The following TTC7B variants were observed in gnomAD, a reference collection of about 807,000 sequenced individuals.
TTC7B encodes the protein tetratricopeptide repeat domain 7B.
Under a neutral mutation model 106.8 loss-of-function variants are expected in TTC7B, and 28 were observed. The ratio of observed to expected loss-of-function variants is 0.26; its 90% CI spans 0.19 to 0.36. TTC7B has a LOEUF of 0.36. Ranked by LOEUF, TTC7B falls within the 10% of genes least tolerant of loss-of-function variation. TTC7B has a pLI of 1.00. For missense variants in TTC7B, 862 were observed against 1,076.4 expected (o/e 0.80, Z 2.79); for synonymous variants, 405 against 430.6 (o/e 0.94, Z 0.74).
chr14:90,602,480 C>T (rs143381473), intron 17 of TTC7B, among the ~76,000 whole-genome samples: 1 of 152,134 alleles, frequency 6.6e-6, no homozygotes. Flanking sequence ...GTGGGAGGAT[C>T]GCTTGAGCCC....
At chr14:90,634,439 A>G (rs1399429130) in intron 15 of TTC7B, among the ~76,000 whole-genome samples, 1 of 151,480 alleles carries the variant, frequency 6.6e-6, no homozygotes, top group Non-Finnish European at 1.5e-5. Context: ...TTATCAGACT[A>G]AGTAAAAAAA....
chr14:90,642,370 T>C (rs1452005895), intron 15 of TTC7B, among the ~76,000 whole-genome samples: 1 of 152,216 alleles, frequency 6.6e-6, no homozygotes, highest in Non-Finnish European at 1.5e-5. Context: ...TGAAAAGCAC[T>C]GATTAAAAAC....
At chr14:90,685,985 C>G (rs1887238536) in intron 7 of TTC7B, among the ~76,000 whole-genome samples, 2 of 152,270 alleles carry the variant, frequency 1.3e-5, no homozygotes, top group South Asian at 4.2e-4. Context: ...GGAATAGTCT[C>G]CAACTCATTT....
At chr14:90,551,100 C>T (rs1044408482) in intron 19 of TTC7B, among the ~76,000 whole-genome samples, 51 of 152,260 alleles carry the variant, frequency 3.3e-4, no homozygotes, top group African/African-American at 9.1e-4. Context: ...TAAGAAAATC[C>T]CAGAACCCAC....
At position 90,577,673 on chromosome 14, in the gene TTC7B, AAG is replaced by A. The variant is rs1257509578; in HGVS notation, c.2310+431_2310+432del. Among the ~76,000 whole-genome samples, 3 of 152,178 alleles carry A rather than the reference AAG, an allele frequency of 2.0e-5. No homozygotes were observed. The highest frequency in any genetic ancestry group is 7.2e-5 in the African/African-American group (3 of 41,452). On this transcript the variant is annotated intron_variant, in intron 19 of 19. Coordinates refer to ENST00000328459, the MANE Select transcript of TTC7B (RefSeq NM_001010854.2). This position sits in a 1 kb window ranked among gnomAD's most constrained non-coding sequence, Gnocchi z 5.0. ...CTGGAGTCTCAGGCTCCCTTAAGGC[AAG>A]AGAGTCTCCCAGTTTGTAAAGTGTT...
intron 19 of TTC7B, among the ~76,000 whole-genome samples, chr14:90,568,139 T>A (rs1436241341): frequency 6.6e-6 from 1 of 152,152 alleles, no homozygotes; most frequent in Non-Finnish European, 1.5e-5. Flanking sequence ...CTGGCTGAGT[T>A]CAGAGGCAGG....
chr14:90,605,244 T>C (rs956413697), intron 17 of TTC7B, among the ~76,000 whole-genome samples: 2 of 152,180 alleles, frequency 1.3e-5, no homozygotes, highest in African/African-American at 4.8e-5. Flanking sequence ...AAACGGGAGT[T>C]TTTGCGCAAA....
intron 19 of TTC7B, among the ~76,000 whole-genome samples, chr14:90,549,252 G>A (rs1889972634): frequency 6.6e-6 from 1 of 152,238 alleles, no homozygotes; most frequent in Admixed American, 6.5e-5. Flanking sequence ...GAGGCCCAAA[G>A]GCAAGGGTGG....
chr14:90,741,834 C>T (rs762108544), intron 4 of TTC7B, among the ~76,000 whole-genome samples: 4 of 152,164 alleles, frequency 2.6e-5, no homozygotes, highest in Admixed American at 6.5e-5. Context: ...GTACTTACTA[C>T]AGTCAAAACA....
At position 90,730,111 on chromosome 14, in the gene TTC7B, CCT is replaced by C; in HGVS notation, c.660_661del (p.Gly221ThrfsTer22). On this transcript the variant is annotated frameshift_variant, in exon 5 of 20. Transcript: ENST00000328459. LOFTEE classifies it high-confidence loss of function. ...ATAGAGGACATGGGCTCTCTGAAGT[CCT>C]GTTTCTAGGAAAAAACCTAGTTCTT... The C allele has an allele frequency of 6.2e-7, 1 of 1,613,650 alleles. No homozygotes were observed. Among genetic ancestry groups the C allele is most frequent in the Non-Finnish European group, 8.5e-7 (1 of 1,179,884 alleles).
chr14:90,694,346 G>A (rs1396135755), intron 6 of TTC7B, among the ~76,000 whole-genome samples: 3 of 152,134 alleles, frequency 2.0e-5, no homozygotes, highest in Admixed American at 2.0e-4. Flanking sequence ...AGGGACTAGG[G>A]GGAGGGGAAA....
chr14:90,609,325 C>T (rs996490853), intron 17 of TTC7B, among the ~76,000 whole-genome samples: 4 of 152,176 alleles, frequency 2.6e-5, no homozygotes, highest in African/African-American at 4.8e-5. Flanking sequence ...GCTTCCAGTG[C>T]CCAAAAATCT....
chr14:90,663,522 G>A lies in TTC7B; in HGVS notation c.1153-5135C>T, dbSNP rs570634419. Reference sequence around the variant, plus strand: ...ACTGAGACCTTTCCAGCTAGTAGAAGTGTCAATCAACTTTACTGATCCCAC... The same window carrying A: ...ACTGAGACCTTTCCAGCTAGTAGAAATGTCAATCAACTTTACTGATCCCAC... On this transcript the variant is annotated intron_variant, in intron 9 of 19. Coordinates refer to ENST00000328459, the MANE Select transcript of TTC7B (RefSeq NM_001010854.2). The surrounding 1 kb of genome is among the most constrained non-coding windows in gnomAD (Gnocchi z 4.5). Among the ~76,000 whole-genome samples, 1 of 152,174 alleles carries A rather than the reference G, an allele frequency of 6.6e-6. No individual in the cohort carries two copies. The highest frequency in any genetic ancestry group is 2.1e-4 in the South Asian group (1 of 4,822).
chr14:90,543,673 T>C (rs1365879772), intron 19 of TTC7B, among the ~76,000 whole-genome samples: 1 of 152,252 alleles, frequency 6.6e-6, no homozygotes, highest in Non-Finnish European at 1.5e-5. Context: ...TTGCATTACC[T>C]CTCTTGGAGA....
chr14:90,727,532 C>G (rs2139985723), intron 5 of TTC7B, among the ~76,000 whole-genome samples: 2 of 152,346 alleles, frequency 1.3e-5, no homozygotes, highest in East Asian at 3.9e-4. Flanking sequence ...TCTAACACAT[C>G]AGAAGGGGCT....
chr14:90,728,603 G>A (rs760045971), intron 5 of TTC7B, among the ~76,000 whole-genome samples: 2 of 152,178 alleles, frequency 1.3e-5, no homozygotes, highest in African/African-American at 2.4e-5. Flanking sequence ...TTGGATTCCA[G>A]TGGGCAGCCA....
chr14:90,757,013 C>T lies in TTC7B; in HGVS notation c.446-12091G>A, dbSNP rs893941692. 6.6e-6 allele frequency among the ~76,000 whole-genome samples: 1 copy of T among 152,124 alleles called. No homozygotes were observed. Among genetic ancestry groups the T allele is most frequent in the Non-Finnish European group, 1.5e-5 (1 of 68,036 alleles). On this transcript the variant is annotated intron_variant, in intron 3 of 19. Coordinates refer to ENST00000328459, the MANE Select transcript of TTC7B (RefSeq NM_001010854.2). The surrounding 1 kb of genome is among the most constrained non-coding windows in gnomAD (Gnocchi z 4.1). ...ACATGCAATACACCCATCTAGCCGC[C>T]CACCATGAGCAGAATCCAGAATGGG...
At chr14:90,705,020 G>T (rs1291250906) in intron 5 of TTC7B, among the ~76,000 whole-genome samples, 1 of 152,184 alleles carries the variant, frequency 6.6e-6, no homozygotes, top group African/African-American at 2.4e-5. Context: ...AGGGGAATAA[G>T]CTATTTCAAG....
At chr14:90,597,400 G>A (rs1039124940) in intron 17 of TTC7B, among the ~76,000 whole-genome samples, 3 of 152,224 alleles carry the variant, frequency 2.0e-5, no homozygotes, top group Non-Finnish European at 4.4e-5. Context: ...GCTCATGCCT[G>A]TAACCCCAGC....
Sources: gnomAD v4.1 joint callset for allele counts (sites outside exome capture counted in the v4.1 genomes callset) on GRCh38, gnomAD v4.1.1 for gene constraint, Gnocchi (gnomAD v3.1) non-coding constraint, MANE v1.5 for transcripts, NCBI Gene and HGNC (gene_info 2026-07-23, HGNC 2026-07-21) for gene names.